Variants in ZDHHC9 observed in about 807,000 individuals in gnomAD.
ZDHHC9 encodes the protein zDHHC palmitoyltransferase 9, also known as palmitoyltransferase ZDHHC9.
A neutral mutation model predicts 26.6 loss-of-function variants in ZDHHC9; 3 were observed. That is an observed-to-expected ratio of 0.11 (90% CI 0.05 to 0.29). The LOEUF (loss-of-function observed/expected upper bound fraction) is 0.29. Among genes scored for constraint, ZDHHC9 ranks in the 10% least tolerant of loss-of-function variants. The pLI, the probability that ZDHHC9 is intolerant of heterozygous loss-of-function variation, is 1.00. For missense variants in ZDHHC9, 146 were observed against 296.4 expected, an observed-to-expected ratio of 0.49 and a Z score of 3.73; for synonymous variants, 111 against 109.4, an observed-to-expected ratio of 1.01 and a Z score of -0.09.
intron 3 of ZDHHC9, among the ~76,000 whole-genome samples, chrX:129,831,085 T>C (rs1162620634): frequency 9.0e-6 from 1 of 111,595 alleles, no homozygotes; most frequent in Non-Finnish European, 1.9e-5. Flanking sequence ...TTCTTACATA[T>C]CACTAGCTTG....
intron 2 of ZDHHC9, among the ~76,000 whole-genome samples, chrX:129,843,058 C>T (rs1239780643): frequency 1.8e-5 from 2 of 112,653 alleles, no homozygotes; most frequent in Non-Finnish European, 3.8e-5. Context: ...TTTACCGACA[C>T]CACATGCCCC....
chrX:129,825,132 G>A (rs1002985757), intron 4 of ZDHHC9, among the ~76,000 whole-genome samples: 6 of 110,938 alleles, frequency 5.4e-5, no homozygotes, highest in African/African-American at 1.6e-4. Context: ...GCAAAACCCC[G>A]TGTCTACTAA....
At chrX:129,806,510 T>C in intron 10 of ZDHHC9, 24 bp from the exon 11 acceptor site, 1 of 1,162,320 alleles carries the variant, frequency 8.6e-7, no homozygotes, top group Non-Finnish European at 1.2e-6. Flanking sequence ...GATATGAGAT[T>C]CAACACAAAG....
rs1927505274 is a variant in ZDHHC9 at position 129,805,936 on chromosome X, C to A, written c.*434G>T. The stretch of plus-strand genomic sequence containing the variant: ...AAGACCCCAAGAACCCAGTTAGGAT[C>A]CCCTGGCCAGAGGTCTCTGTGACTG... On this transcript the variant is annotated 3_prime_UTR_variant, in exon 11 of 11. Coordinates refer to ENST00000357166, the MANE Select transcript of ZDHHC9 (RefSeq NM_016032.4). 6.7e-6 allele frequency: 1 copy of A among 149,002 alleles called. No homozygotes were observed. Among genetic ancestry groups the A allele is most frequent in the Non-Finnish European group, 1.3e-5 (1 of 75,341 alleles). The allele number at this position is 149,002 out of a possible 1,213,427, so 12.3% of individuals were successfully genotyped here.
chrX:129,806,008 C>T lies in ZDHHC9; in HGVS notation c.*362G>A, dbSNP rs973859368. 1 of 235,249 alleles carries T rather than the reference C, an allele frequency of 4.3e-6. No individual in the cohort carries two copies. The highest frequency in any genetic ancestry group is 7.8e-6 in the Non-Finnish European group (1 of 127,851). The allele number at this position is 235,249 out of a possible 1,213,427, so 19.4% of individuals were successfully genotyped here. The stretch of plus-strand genomic sequence containing the variant: ...GCAGCTTGGGAGGATTTGAGCCAGT[C>T]TCAAAAACTTTTAGCCCCAGAATGA... On this transcript the variant is annotated 3_prime_UTR_variant, in exon 11 of 11. Coordinates refer to ENST00000357166, the MANE Select transcript of ZDHHC9 (RefSeq NM_016032.4).
At chrX:129,823,497 C>T (rs901858070) in intron 5 of ZDHHC9, 182 bp downstream of exon 5, 2 of 472,218 alleles carry the variant, frequency 4.2e-6, no homozygotes, top group African/African-American at 2.4e-5. Flanking sequence ...TTGATTTGAT[C>T]TACACAAGTA....
At chrX:129,812,604 T>G (rs1388137686) in intron 8 of ZDHHC9, 114 bp downstream of exon 8, 1 of 630,485 alleles carries the variant, frequency 1.6e-6, no homozygotes, top group East Asian at 3.2e-5. Flanking sequence ...ATACCACGTT[T>G]CTGCCTGCCT....
intron 4 of ZDHHC9, among the ~76,000 whole-genome samples, chrX:129,827,749 G>A (rs1569321206): frequency 9.0e-6 from 1 of 111,176 alleles, no homozygotes; most frequent in Non-Finnish European, 1.9e-5. Context: ...ATTCTCAGTG[G>A]TTCCTGGCAC....
chrX:129,830,045 G>A (rs775968910), intron 3 of ZDHHC9, among the ~76,000 whole-genome samples: 2 of 112,118 alleles, frequency 1.8e-5, no homozygotes, highest in African/African-American at 3.2e-5. Flanking sequence ...TGAAGAATCT[G>A]AGACTTAGAG....
chrX:129,833,173 C>G (rs1737876), intron 3 of ZDHHC9, among the ~76,000 whole-genome samples: 6,129 of 111,120 alleles, frequency 0.055, 377 homozygotes, highest in East Asian at 0.42. Flanking sequence ...ATAAATGCAA[C>G]CATGTCCCAA....
intron 3 of ZDHHC9, among the ~76,000 whole-genome samples, chrX:129,829,907 C>T (rs182155742): frequency 2.3e-4 from 26 of 111,692 alleles, no homozygotes; most frequent in Non-Finnish European, 4.9e-4. Context: ...TCATTGTCAT[C>T]ATTGCAACTA....
chrX:129,803,791 A>T lies in ZDHHC9; in HGVS notation c.*2579T>A, dbSNP rs949535949. 1 of 112,044 alleles carries T rather than the reference A, an allele frequency of 8.9e-6. No individual in the cohort carries two copies. The highest frequency in any genetic ancestry group is 3.2e-5 in the African/African-American group (1 of 30,799). 9.2% of individuals were successfully genotyped at this position (112,044 alleles called of 1,213,427 possible). ...ATCCTGGCCTGGGAAAGTAGGGTGC[A>T]TAGGAAGCTTGAGGAAGAAGGAGGA... On this transcript the variant is annotated 3_prime_UTR_variant, in exon 11 of 11. Transcript: ENST00000357166.
intron 10 of ZDHHC9, among the ~76,000 whole-genome samples, 161 bp from the exon 11 acceptor site, chrX:129,806,647 G>A (rs7888518): frequency 0.011 from 1,229 of 112,139 alleles, 16 homozygotes; most frequent in African/African-American, 0.037. Flanking sequence ...CCAAGCTATC[G>A]TCTTCTCGGC....
At position 129,841,987 on chromosome X, in the gene ZDHHC9, AGAG is replaced by A; in HGVS notation, c.-45_-43del. The stretch of plus-strand genomic sequence containing the variant: ...CCAAAATGGGTTTTGCGATTACACG[AGAG>A]AAGAAACAGAGGCTGAGCCCAGCTT... On this transcript the variant is annotated 5_prime_UTR_variant, in exon 3 of 11. Transcript: ENST00000357166. 1 of 1,207,411 alleles carries A rather than the reference AGAG, an allele frequency of 8.3e-7. No homozygotes were observed. Among genetic ancestry groups the A allele is most frequent in the South Asian group, 1.8e-5 (1 of 56,924 alleles).
intron 3 of ZDHHC9, among the ~76,000 whole-genome samples, chrX:129,840,609 G>C (rs182782765): frequency 4.5e-5 from 5 of 111,124 alleles, no homozygotes; most frequent in African/African-American, 1.6e-4. Context: ...CAGTAGCGGC[G>C]GCAGCAGCAA....
chrX:129,804,119 C>CA lies in ZDHHC9; in HGVS notation c.*2250dup, dbSNP rs1420810534. 3 of 111,782 alleles carry CA rather than the reference C, an allele frequency of 2.7e-5. No homozygotes were observed. Among genetic ancestry groups the CA allele is most frequent in the Admixed American group, 9.5e-5 (1 of 10,572 alleles). 9.2% of individuals were successfully genotyped at this position (111,782 alleles called of 1,213,427 possible). A position where few individuals can be genotyped will look rare whatever the true frequency, so the allele number is the denominator to read the frequency against. On this transcript the variant is annotated 3_prime_UTR_variant, in exon 11 of 11. Coordinates refer to ENST00000357166, the MANE Select transcript of ZDHHC9 (RefSeq NM_016032.4). ...CTTCTCTGTCTGACCTAAGGGTCCT[C>CA]AGGAGAACACTTGAGGTAAGGTGAG...
At chrX:129,817,064 G>A (rs183909247) in intron 5 of ZDHHC9, among the ~76,000 whole-genome samples, 59 of 110,763 alleles carry the variant, frequency 5.3e-4, no homozygotes, top group African/African-American at 8.2e-4. Context: ...TAGCAGAGAC[G>A]GGGTTTTGCC....
chrX:129,841,565 T>C (rs920431267), intron 3 of ZDHHC9, among the ~76,000 whole-genome samples: 3 of 111,777 alleles, frequency 2.7e-5, no homozygotes, highest in African/African-American at 9.8e-5. Flanking sequence ...CCCAAATCAG[T>C]ACTACAAAAT....
intron 10 of ZDHHC9, 35 bp from the exon 11 acceptor site, chrX:129,806,521 C>G (rs1927520993): frequency 8.7e-7 from 1 of 1,144,889 alleles, no homozygotes; most frequent in Non-Finnish European, 1.2e-6. Flanking sequence ...CAACACAAAG[C>G]TGTTCCTCAA....
Sources: gnomAD v4.1 joint callset for allele counts (sites outside exome capture counted in the v4.1 genomes callset) on GRCh38, gnomAD v4.1.1 for gene constraint, MANE v1.5 for transcripts, NCBI Gene and HGNC (gene_info 2026-07-23, HGNC 2026-07-21) for gene names.